The following MYO10 variants were observed in gnomAD, a reference collection of about 807,000 sequenced individuals.
MYO10 encodes the protein unconventional myosin-X.
Under a neutral mutation model 257.3 loss-of-function variants are expected in MYO10, and 133 were observed. The observed-to-expected ratio is 0.52, with a 90% CI of 0.45 to 0.60. MYO10 has a LOEUF of 0.60. Among genes scored for constraint, MYO10 ranks in the 20% least tolerant of loss-of-function variants. The pLI is 0.00. For synonymous variants in MYO10, 1,104 were observed against 1,028.6 expected, an observed-to-expected ratio of 1.07 and a Z score of -1.40; for missense variants, 2,399 against 2,635.7, an observed-to-expected ratio of 0.91 and a Z score of 1.97.
At position 16,664,143 on chromosome 5, in the gene MYO10, G is replaced by A. The variant is rs1005471826; in HGVS notation, c.*2549C>T. Reference sequence around the variant, plus strand: ...CGCAGGCCTCCCTGTACGTTCTGTTGCAACTTTCTCTGAGTCTGTAATTAT... The same window carrying A: ...CGCAGGCCTCCCTGTACGTTCTGTTACAACTTTCTCTGAGTCTGTAATTAT... On this transcript the variant is annotated 3_prime_UTR_variant, in exon 41 of 41. Coordinates refer to ENST00000513610, the MANE Select transcript of MYO10 (RefSeq NM_012334.3). 2 of 152,106 alleles carry A rather than the reference G, an allele frequency of 1.3e-5. No homozygotes were observed. Among genetic ancestry groups the A allele is most frequent in the African/African-American group, 4.8e-5 (2 of 41,412 alleles). The allele number at this position is 152,106 out of a possible 1,614,324, so 9.4% of individuals were successfully genotyped here. A position where few individuals can be genotyped will look rare whatever the true frequency, so the allele number is the denominator to read the frequency against.
chr5:16,912,802 G>GCACACACACACACACACACACACA (rs70943817), intron 1 of MYO10, among the ~76,000 whole-genome samples: 8 of 111,594 alleles, frequency 7.2e-5, no homozygotes, highest in Non-Finnish European at 1.2e-4. Flanking sequence ...CTACCACCCT[G>GCACACACACACACACACACACACA]CACACACACA....
chr5:16,788,623 G>A (rs2126675925), intron 4 of MYO10, among the ~76,000 whole-genome samples: 1 of 152,136 alleles, frequency 6.6e-6, no homozygotes, highest in East Asian at 1.9e-4. Flanking sequence ...CTTAAGTCTG[G>A]GACTCAAATG....
chr5:16,798,850 CG>C (rs1303422085), intron 3 of MYO10, among the ~76,000 whole-genome samples: 1 of 152,070 alleles, frequency 6.6e-6, no homozygotes, highest in Non-Finnish European at 1.5e-5. Flanking sequence ...ATCAACACGG[CG>C]GGCTCAACTG....
intron 1 of MYO10, among the ~76,000 whole-genome samples, chr5:16,890,755 A>C (rs2126773944): frequency 6.6e-6 from 1 of 151,830 alleles, no homozygotes. Context: ...CAGGAGAATC[A>C]CTTGAACCCG....
chr5:16,664,635 A>T lies in MYO10; in HGVS notation c.*2057T>A, dbSNP rs759332585. On this transcript the variant is annotated 3_prime_UTR_variant, in exon 41 of 41. Coordinates refer to ENST00000513610, the MANE Select transcript of MYO10 (RefSeq NM_012334.3). Reference sequence around the variant, plus strand: ...GCCTGGTGGTTTGGGTACATTGGCAACCAAACTGCCTACCTGTGTGTTCTG... The same window carrying T: ...GCCTGGTGGTTTGGGTACATTGGCATCCAAACTGCCTACCTGTGTGTTCTG... 1.3e-5 allele frequency: 2 copies of T among 152,204 alleles called. No homozygotes were observed. The highest frequency in any genetic ancestry group is 2.9e-5 in the Non-Finnish European group (2 of 68,052). 9.4% of individuals were successfully genotyped at this position (152,204 alleles called of 1,614,324 possible). A position where few individuals can be genotyped will look rare whatever the true frequency, so the allele number is the denominator to read the frequency against.
At chr5:16,690,433 C>G (rs192663533) in intron 27 of MYO10, among the ~76,000 whole-genome samples, 1 of 152,258 alleles carries the variant, frequency 6.6e-6, no homozygotes, top group Non-Finnish European at 1.5e-5. Context: ...TAGGGGGAGC[C>G]AGTCTCATCT....
At chr5:16,880,500 G>A (rs1367691375) in intron 1 of MYO10, among the ~76,000 whole-genome samples, 3 of 151,914 alleles carry the variant, frequency 2.0e-5, no homozygotes, top group Non-Finnish European at 4.4e-5. Flanking sequence ...TACATGCTAT[G>A]GAGATTCTAA....
chr5:16,766,159 G>A lies in MYO10; in HGVS notation c.1100C>T (p.Thr367Ile). The A allele has an allele frequency of 1.2e-6, 2 of 1,613,934 alleles. No individual in the cohort carries two copies. Among genetic ancestry groups the A allele is most frequent in the Non-Finnish European group, 8.5e-7 (1 of 1,179,846 alleles). ...CTGGGTCAAAGCATCTGTGAGCTGT[G>A]TTGGGTCCAGCCCAAGTAACTCCGC... ...RSAELLGLDP[T>I]QLTDALTQRS... The change falls in exon 11 of 41, where the codon ACA becomes ATA. Residue 367 changes from threonine to isoleucine, a missense_variant. By Grantham distance (89) the Thr-to-Ile change is moderately conservative (BLOSUM62 -1). Coordinates refer to ENST00000513610, the MANE Select transcript of MYO10 (RefSeq NM_012334.3).
chr5:16,919,065 A>G (rs910709476), intron 1 of MYO10, among the ~76,000 whole-genome samples: 1 of 152,052 alleles, frequency 6.6e-6, no homozygotes, highest in African/African-American at 2.4e-5. Flanking sequence ...CACAGTCTCT[A>G]TTCTTCCGAC....
chr5:16,688,467 G>T (rs1469192577), intron 28 of MYO10, among the ~76,000 whole-genome samples: 4 of 152,188 alleles, frequency 2.6e-5, no homozygotes, highest in Non-Finnish European at 4.4e-5. Context: ...TCTCAGCCAG[G>T]AAGAGGCTCA....
At chr5:16,804,205 C>A (rs1253357167) in intron 3 of MYO10, among the ~76,000 whole-genome samples, 1 of 152,176 alleles carries the variant, frequency 6.6e-6, no homozygotes, top group Non-Finnish European at 1.5e-5. Context: ...CCCGTGTGTT[C>A]CACTTTTCAT....
intron 26 of MYO10, among the ~76,000 whole-genome samples, chr5:16,698,120 C>A (rs1437600301): frequency 1.3e-5 from 2 of 152,136 alleles, no homozygotes; most frequent in Non-Finnish European, 2.9e-5. Context: ...CCTGCAATTC[C>A]TGCACTTTGG....
chr5:16,875,995 G>C (rs2625212), intron 2 of MYO10, among the ~76,000 whole-genome samples: 14,775 of 152,074 alleles, frequency 0.097, 1,103 homozygotes, highest in African/African-American at 0.2. Context: ...CACCTGTAAT[G>C]TCAGCTACTC....
rs549228264 is a variant in MYO10 at position 16,671,292 on chromosome 5, G to A, written c.5430+130C>T. The A allele has an allele frequency of 1.0e-5, 12 of 1,155,700 alleles. No homozygotes were observed. In the African/African-American group the frequency reaches 1.4e-4, roughly 13 times the overall value. 71.6% of individuals were successfully genotyped at this position (1,155,700 alleles called of 1,614,324 possible). A position where few individuals can be genotyped will look rare whatever the true frequency, so the allele number is the denominator to read the frequency against. ...CTACAAACGAATGAAAGAGCAGCTG[G>A]TCTTGTCTTTGCTGGGAAATCCACA... On this transcript the variant is annotated intron_variant, in intron 38 of 40. Transcript: ENST00000513610.
At chr5:16,893,088 T>G (rs1745109543) in intron 1 of MYO10, among the ~76,000 whole-genome samples, 1 of 148,512 alleles carries the variant, frequency 6.7e-6, no homozygotes, top group Non-Finnish European at 1.5e-5. Context: ...TCCCAGCTAC[T>G]CGGGAGGCTG....
chr5:16,802,513 C>T (rs534295875), intron 3 of MYO10, among the ~76,000 whole-genome samples: 6 of 151,404 alleles, frequency 4.0e-5, no homozygotes, highest in African/African-American at 1.2e-4. Flanking sequence ...AAAAATTAGC[C>T]GGGCGTAGTG....
chr5:16,693,556 G>A (rs529754794), intron 27 of MYO10, among the ~76,000 whole-genome samples: 3 of 152,172 alleles, frequency 2.0e-5, no homozygotes, highest in East Asian at 1.9e-4. Flanking sequence ...CTGAAGTTGC[G>A]GATGCTGGCT....
At chr5:16,754,727 T>C in intron 19 of MYO10, 101 bp downstream of exon 19, 1 of 724,176 alleles carries the variant, frequency 1.4e-6, no homozygotes, top group Non-Finnish European at 2.2e-6. Context: ...TCCAACCATC[T>C]ACAATGAAAG....
intron 3 of MYO10, among the ~76,000 whole-genome samples, chr5:16,811,659 C>T (rs890004848): frequency 6.6e-6 from 1 of 152,178 alleles, no homozygotes; most frequent in Non-Finnish European, 1.5e-5. Flanking sequence ...AGGCAATCCT[C>T]CCACCCCAGC....
Sources: gnomAD v4.1 joint callset for allele counts (sites outside exome capture counted in the v4.1 genomes callset) on GRCh38, gnomAD v4.1.1 for gene constraint, MANE v1.5 for transcripts, NCBI Gene and HGNC (gene_info 2026-07-23, HGNC 2026-07-21) for gene names.